Variants in IGF2R observed in about 807,000 individuals in gnomAD.
The protein encoded by IGF2R is insulin like growth factor 2 receptor.
In IGF2R, 91 loss-of-function variants were observed where a neutral mutation model predicts 270.6. The ratio of observed to expected loss-of-function variants is 0.34; its 90% CI spans 0.28 to 0.40. IGF2R has a LOEUF of 0.40. Among genes scored for constraint, IGF2R ranks in the 10% least tolerant of loss-of-function variants. The pLI is 1.00. For missense variants in IGF2R, 2,805 were observed against 3,188.3 expected (o/e 0.88, Z 2.90); for synonymous variants, 1,316 against 1,258.9 (o/e 1.05, Z -0.96).
chr6:160,021,913 C>T (rs1450243765), intron 4 of IGF2R, among the ~76,000 whole-genome samples: 1 of 152,096 alleles, frequency 6.6e-6, no homozygotes, highest in Non-Finnish European at 1.5e-5. Context: ...ATCTGTCTGT[C>T]AAAGAGATAC....
chr6:160,090,944 C>T (rs1011393961), intron 44 of IGF2R, among the ~76,000 whole-genome samples: 9 of 139,252 alleles, frequency 6.5e-5, no homozygotes, highest in East Asian at 2.2e-4. Context: ...TGGTGCTGAG[C>T]GCATCGCCGA....
At chr6:160,101,625 C>T (rs547056816) in intron 45 of IGF2R, among the ~76,000 whole-genome samples, 15 of 152,358 alleles carry the variant, frequency 9.8e-5, no homozygotes, top group Admixed American at 2.6e-4. Context: ...GGGGTTGCCT[C>T]TTATCACCAG....
chr6:160,052,569 A>G (rs891901796), intron 19 of IGF2R, among the ~76,000 whole-genome samples: 1 of 152,222 alleles, frequency 6.6e-6, no homozygotes, highest in African/African-American at 2.4e-5. Flanking sequence ...TCTTCACAGA[A>G]TTGGAAAAAA....
intron 36 of IGF2R, among the ~76,000 whole-genome samples, chr6:160,076,814 AAT>A (rs8191894): frequency 0.045 from 6,818 of 152,308 alleles, 296 homozygotes; most frequent in Admixed American, 0.15. Flanking sequence ...TAGCTGCAGA[AAT>A]ATTAATATGT....
At position 160,079,554 on chromosome 6, in the gene IGF2R, G is replaced by A. The variant is rs114186203; in HGVS notation, c.5479-26G>A. The A allele has an allele frequency of 1.0e-3, 1,420 of 1,400,618 alleles. 11 individuals are homozygous for A. The African/African-American group carries it at 0.013, about 12-fold the overall frequency. 86.8% of individuals were successfully genotyped at this position (1,400,618 alleles called of 1,614,324 possible). ...GAGACCTGGGTGCTGCCACTCTGCT[G>A]ACGGCCACGCATGGTTTTTGTCCAG... On this transcript the variant is annotated intron_variant, in intron 37 of 47. Transcript: ENST00000356956.
At chr6:160,026,523 G>GA (rs1777563948) in intron 5 of IGF2R, among the ~76,000 whole-genome samples, 1 of 152,226 alleles carries the variant, frequency 6.6e-6, no homozygotes, top group Non-Finnish European at 1.5e-5. Context: ...TTAGATAGGA[G>GA]AAAAGATAGA....
intron 44 of IGF2R, chr6:160,093,841 A>T (rs1157774242): frequency 1.4e-6 from 1 of 730,734 alleles, no homozygotes. Flanking sequence ...TGGTCCAAAT[A>T]AATATCTCAG....
At chr6:159,975,613 T>C (rs562499418) in intron 1 of IGF2R, among the ~76,000 whole-genome samples, 1 of 149,346 alleles carries the variant, frequency 6.7e-6, no homozygotes, top group South Asian at 2.1e-4. Context: ...AAAAGACCAA[T>C]ACTAGGACTG....
intron 42 of IGF2R, 105 bp downstream of exon 42, chr6:160,088,252 AG>A: frequency 1.3e-6 from 1 of 754,280 alleles, no homozygotes; most frequent in Admixed American, 2.0e-5. Context: ...TTAGGAGCTC[AG>A]GGCCAGAGCC....
rs188379144 is a variant in IGF2R, at chr6:160,106,739, C to A, written c.*1655C>A. 9 of 152,280 alleles carry A rather than the reference C, an allele frequency of 5.9e-5. No individual in the cohort carries two copies. The East Asian group carries it at 1.5e-3, about 26-fold the overall frequency. The allele number at this position is 152,280 out of a possible 1,614,324, so 9.4% of individuals were successfully genotyped here. A position where few individuals can be genotyped will look rare whatever the true frequency, so the allele number is the denominator to read the frequency against. On this transcript the variant is annotated 3_prime_UTR_variant, in exon 48 of 48. Transcript: ENST00000356956. Reference sequence around the variant, plus strand: ...CTGGTCGTAGGTGTTAACTTTGGGTCCAATCTGCCTTCCCTTGGCTCTTTC... The same window carrying A: ...CTGGTCGTAGGTGTTAACTTTGGGTACAATCTGCCTTCCCTTGGCTCTTTC...
intron 18 of IGF2R, among the ~76,000 whole-genome samples, chr6:160,049,787 A>G (rs376055982): frequency 7.2e-5 from 11 of 152,212 alleles, no homozygotes; most frequent in African/African-American, 2.7e-4. Flanking sequence ...TTGTCTTGGG[A>G]TTTCAGATTT....
At chr6:160,049,871 C>T (rs192690742) in intron 18 of IGF2R, among the ~76,000 whole-genome samples, 66 of 152,094 alleles carry the variant, frequency 4.3e-4, no homozygotes, top group African/African-American at 1.5e-3. Flanking sequence ...GGATTACAGC[C>T]GAGAAAGAGT....
chr6:160,091,651 T>C (rs1278906246), intron 44 of IGF2R, among the ~76,000 whole-genome samples: 1 of 152,238 alleles, frequency 6.6e-6, no homozygotes, highest in Non-Finnish European at 1.5e-5. Flanking sequence ...TGTTTCTCTG[T>C]TCTCTGCCTT....
chr6:160,038,996 C>G (rs1485588824), intron 10 of IGF2R, among the ~76,000 whole-genome samples: 2 of 152,206 alleles, frequency 1.3e-5, no homozygotes, highest in Admixed American at 6.5e-5. Flanking sequence ...CACCCTAAAT[C>G]TGCAAAATGG....
At chr6:160,045,710 G>C in intron 13 of IGF2R, 35 bp from the exon 14 acceptor site, 1 of 1,613,094 alleles carries the variant, frequency 6.2e-7, no homozygotes, top group African/African-American at 1.3e-5. Context: ...GGAATGAACG[G>C]ATTAGTGATC....
intron 35 of IGF2R, among the ~76,000 whole-genome samples, chr6:160,074,840 A>G (rs1379708106): frequency 6.6e-6 from 1 of 152,196 alleles, no homozygotes; most frequent in Non-Finnish European, 1.5e-5. Flanking sequence ...CTGAATTAGC[A>G]CAGCTCCAGC....
intron 1 of IGF2R, among the ~76,000 whole-genome samples, chr6:159,978,219 C>T (rs1004320477): frequency 2.6e-5 from 4 of 152,126 alleles, no homozygotes; most frequent in Admixed American, 6.5e-5. Context: ...GTTTCAAAGC[C>T]ACTGGACTCC....
At chr6:159,990,821 G>T (rs1783966671) in intron 1 of IGF2R, among the ~76,000 whole-genome samples, 1 of 152,026 alleles carries the variant, frequency 6.6e-6, no homozygotes, top group African/African-American at 2.4e-5. Context: ...GTAGAGATGG[G>T]GTTTCATTAT....
At chr6:159,978,835 G>C (rs979674586) in intron 1 of IGF2R, among the ~76,000 whole-genome samples, 2 of 152,162 alleles carry the variant, frequency 1.3e-5, no homozygotes, top group African/African-American at 4.8e-5. Flanking sequence ...TTTGGTAGGA[G>C]TTTTCTTTTT....
Sources: gnomAD v4.1 joint callset for allele counts (sites outside exome capture counted in the v4.1 genomes callset) on GRCh38, gnomAD v4.1.1 for gene constraint, MANE v1.5 for transcripts, NCBI Gene and HGNC (gene_info 2026-07-23, HGNC 2026-07-21) for gene names.